The following PCDHGA1 variants were observed in gnomAD, a reference collection of about 807,000 sequenced individuals.
PCDHGA1 encodes protocadherin gamma subfamily A, 1.
A neutral mutation model predicts 58.0 loss-of-function variants in PCDHGA1; 32 were observed. The observed-to-expected ratio is 0.55, with a 90% CI of 0.42 to 0.74. The LOEUF is 0.74. Ranked by LOEUF, PCDHGA1 falls within the 30% of genes least tolerant of loss-of-function variation. The probability of loss-of-function intolerance (pLI) is 0.00; values close to 1 mark genes in which losing one functional copy is unlikely to be tolerated. For synonymous variants in PCDHGA1, 498 were observed against 501.1 expected, an observed-to-expected ratio of 0.99 and a Z score of 0.08; for missense variants, 1,205 against 1,182.3, an observed-to-expected ratio of 1.02 and a Z score of -0.28.
intron 1 of PCDHGA1, chr5:141,355,027 A>G: frequency 1.0e-6 from 1 of 956,224 alleles, no homozygotes; most frequent in Non-Finnish European, 1.5e-6. Flanking sequence ...AATCAGAATC[A>G]CAAGATTTCT....
Position 141,424,835 on chromosome 5 carries a change from T to C in PCDHGA1, c.2422-69972T>C, listed in dbSNP as rs999861185. Among the ~76,000 whole-genome samples, 20 of 152,310 alleles carry C rather than the reference T, an allele frequency of 1.3e-4. No individual in the cohort carries two copies. The South Asian group carries it at 3.5e-3, about 27-fold the overall frequency. On this transcript the variant is annotated intron_variant, in intron 1 of 3. Coordinates refer to ENST00000517417, the MANE Select transcript of PCDHGA1 (RefSeq NM_018912.3). ...AAGCTTGATAGTTGCCTGACATACA[T>C]GTTATCTGAAGCAATGTCTAGGAAA... is the stretch of plus-strand genomic sequence containing the variant.
At chr5:141,371,159 G>T in intron 1 of PCDHGA1, 2 of 1,614,024 alleles carry the variant, frequency 1.2e-6, no homozygotes, top group Non-Finnish European at 1.7e-6. Context: ...CAGAGAACCT[G>T]CCCGCTGGCT....
intron 1 of PCDHGA1, chr5:141,393,778 A>G (rs756686929): frequency 1.2e-5 from 20 of 1,613,954 alleles, no homozygotes; most frequent in Non-Finnish European, 1.7e-5. Flanking sequence ...ATACAAGCCG[A>G]AGATGTGGGG....
chr5:141,436,118 T>C (rs188307595), intron 1 of PCDHGA1, among the ~76,000 whole-genome samples: 5 of 152,310 alleles, frequency 3.3e-5, no homozygotes, highest in Admixed American at 2.0e-4. Flanking sequence ...ATGAAACCTC[T>C]CTCCTCCATC....
chr5:141,426,794 G>C (rs1319220934), intron 1 of PCDHGA1: 1 of 456,708 alleles, frequency 2.2e-6, no homozygotes, highest in East Asian at 6.9e-5. Flanking sequence ...AGAGTTACCA[G>C]CTCAGTTCTA....
intron 1 of PCDHGA1, chr5:141,398,027 T>G: frequency 6.9e-7 from 1 of 1,449,556 alleles, no homozygotes; most frequent in Non-Finnish European, 9.2e-7. Context: ...AAACTGGAAC[T>G]GGAACTAAAG....
Position 141,477,662 on chromosome 5 carries a change from A to G in PCDHGA1, c.2422-17145A>G. On this transcript the variant is annotated intron_variant, in intron 1 of 3. Transcript: ENST00000517417. The surrounding 1 kb of genome is among the most constrained non-coding windows in gnomAD (Gnocchi z 4.9). ...TCGCTATTTCACAATAAATCGTGAC[A>G]ATGGCATAGTGTCATCCTTAGTGCC... The G allele has an allele frequency of 6.2e-7, 1 of 1,614,222 alleles. No individual in the cohort carries two copies.
chr5:141,388,335 C>A (rs67622091), intron 1 of PCDHGA1: 89,774 of 1,613,756 alleles, frequency 0.056, 3,043 homozygotes, highest in African/African-American at 0.15. Context: ...GCCTGGCACA[C>A]GATTTATATT....
At chr5:141,434,392 C>T (rs906051301) in intron 1 of PCDHGA1, among the ~76,000 whole-genome samples, 4 of 152,210 alleles carry the variant, frequency 2.6e-5, no homozygotes, top group African/African-American at 9.6e-5. Context: ...TGGCCATAAA[C>T]AAAATCTCTG....
intron 1 of PCDHGA1, chr5:141,398,734 G>C (rs768663543): frequency 6.2e-7 from 1 of 1,613,788 alleles, no homozygotes; most frequent in Non-Finnish European, 8.5e-7. Context: ...CTTAGACCGG[G>C]AACAACAGAG....
intron 1 of PCDHGA1, among the ~76,000 whole-genome samples, chr5:141,455,243 A>G (rs945218710): frequency 1.3e-5 from 2 of 152,146 alleles, no homozygotes; most frequent in Non-Finnish European, 2.9e-5. Flanking sequence ...GTTAAAGGTC[A>G]TAGTACAATC....
intron 1 of PCDHGA1, among the ~76,000 whole-genome samples, chr5:141,359,079 T>G (rs1279133095): frequency 1.3e-5 from 2 of 151,956 alleles, no homozygotes; most frequent in African/African-American, 4.8e-5. Context: ...CAAAGGAGAG[T>G]TTTAGTTTCT....
chr5:141,388,779 A>C lies in PCDHGA1; in HGVS notation c.2421+55674A>C, dbSNP rs2091486135. The C allele has an allele frequency of 4.3e-6, 7 of 1,613,974 alleles. No individual in the cohort carries two copies. In the East Asian group the frequency reaches 1.6e-4, roughly 36 times the overall value. On this transcript the variant is annotated intron_variant, in intron 1 of 3. Coordinates refer to ENST00000517417, the MANE Select transcript of PCDHGA1 (RefSeq NM_018912.3). ...TGACCTGAACTCTAACACCGGGGAAATTACTGTTTTAAATACATTAGATTT... is the reference window on the plus strand; with the variant it reads ...TGACCTGAACTCTAACACCGGGGAACTTACTGTTTTAAATACATTAGATTT...
At chr5:141,389,822 C>A in intron 1 of PCDHGA1, 3 of 1,613,932 alleles carry the variant, frequency 1.9e-6, no homozygotes, top group Middle Eastern at 1.6e-4. Context: ...CCGTGCGTGA[C>A]GGTGGACAGC....
In PCDHGA1 at chr5:141,493,811, A is replaced by T. The variant is rs956872917; in HGVS notation, c.2422-996A>T. Reference sequence around the variant, plus strand: ...CTCCCTGGAGTAATCTGAGATACTCACACTCTCTGCTTCTGGGAGCAAGTA... The same window carrying T: ...CTCCCTGGAGTAATCTGAGATACTCTCACTCTCTGCTTCTGGGAGCAAGTA... On this transcript the variant is annotated intron_variant, in intron 1 of 3. Transcript: ENST00000517417. The surrounding 1 kb of genome is among the most constrained non-coding windows in gnomAD (Gnocchi z 4.3). Among the ~76,000 whole-genome samples the T allele has an allele frequency of 1.3e-5, 2 of 152,154 alleles. No homozygotes were observed. The highest frequency in any genetic ancestry group is 2.9e-5 in the Non-Finnish European group (2 of 68,036).
intron 1 of PCDHGA1, among the ~76,000 whole-genome samples, chr5:141,380,158 T>C (rs939673033): frequency 6.6e-6 from 1 of 151,976 alleles, no homozygotes; most frequent in Non-Finnish European, 1.5e-5. Flanking sequence ...CCTCAGCCTC[T>C]CAAAGGGCTG....
In PCDHGA1 at chr5:141,350,869, C is replaced by A. The variant is rs528243640; in HGVS notation, c.2421+17764C>A. On this transcript the variant is annotated intron_variant, in intron 1 of 3. Coordinates refer to ENST00000517417, the MANE Select transcript of PCDHGA1 (RefSeq NM_018912.3). The stretch of plus-strand genomic sequence containing the variant: ...AACCTCTAGACAGGGAACATCAGAG[C>A]TCTCATCGCTTAATCCTGACTGCCA... 47 of 1,613,960 alleles carry A rather than the reference C, an allele frequency of 2.9e-5. No individual in the cohort carries two copies. Among genetic ancestry groups the A allele is most frequent in the Non-Finnish European group, 3.9e-5 (46 of 1,179,922 alleles).
intron 1 of PCDHGA1, chr5:141,442,120 C>G (rs766641164): frequency 6.0e-6 from 1 of 165,340 alleles, no homozygotes; most frequent in Admixed American, 6.5e-5. Flanking sequence ...CCCTCGTCGC[C>G]GACAGCCTGC....
At position 141,402,030 on chromosome 5, in the gene PCDHGA1, A is replaced by C. The variant is rs188760101; in HGVS notation, c.2421+68925A>C. On this transcript the variant is annotated intron_variant, in intron 1 of 3. Transcript: ENST00000517417. Reference sequence around the variant, plus strand: ...ATATGCATTTGAATCATTGAAACACAGTCTGTGCATGCATTACATATTCAC... The same window carrying C: ...ATATGCATTTGAATCATTGAAACACCGTCTGTGCATGCATTACATATTCAC... Among the ~76,000 whole-genome samples the C allele has an allele frequency of 1.4e-3, 213 of 152,348 alleles. 1 individual carries two copies. The highest frequency in any genetic ancestry group is 4.8e-3 in the African/African-American group (199 of 41,586).
Sources: allele counts gnomAD v4.1 joint callset (sites outside exome capture counted in the v4.1 genomes callset), GRCh38; gene constraint gnomAD v4.1.1; non-coding constraint Gnocchi (gnomAD v3.1); transcripts MANE v1.5; gene names NCBI Gene and HGNC (gene_info 2026-07-23, HGNC 2026-07-21).